Variants in PALS2 observed in about 807,000 individuals in gnomAD.
The protein encoded by PALS2 is protein PALS2.
A neutral mutation model predicts 61.6 loss-of-function variants in PALS2; 27 were observed. The observed-to-expected ratio is 0.44, with a 90% CI of 0.32 to 0.60. The LOEUF (loss-of-function observed/expected upper bound fraction) is 0.60, where lower values mean the gene tolerates loss of function less well. Ranked by LOEUF, PALS2 falls within the 20% of genes least tolerant of loss-of-function variation. The pLI is 0.05. For synonymous variants in PALS2, 236 were observed against 218.6 expected (o/e 1.08, Z -0.70); for missense variants, 554 against 639.4 (o/e 0.87, Z 1.44).
intron 7 of PALS2, among the ~76,000 whole-genome samples, 157 bp from the exon 8 acceptor site, chr7:24,665,864 G>A (rs1207687472): frequency 6.6e-6 from 1 of 152,126 alleles, no homozygotes; most frequent in Non-Finnish European, 1.5e-5. Flanking sequence ...TGCTGGTAGA[G>A]TATCAAAATT....
rs980584079 is a variant in PALS2 at position 24,623,968 on chromosome 7, T to C, written c.117+184T>C. On this transcript the variant is annotated intron_variant, in intron 2 of 11. Transcript: ENST00000222644. The stretch of plus-strand genomic sequence containing the variant: ...ATTAGACCATTTTTCTCTTTTCTAC[T>C]CTGACTTTAAATACAGGATGAAATG... The C allele has an allele frequency of 3.5e-5, 37 of 1,067,310 alleles. No individual in the cohort carries two copies. The East Asian group carries it at 1.1e-3, about 31-fold the overall frequency. The allele number at this position is 1,067,310 out of a possible 1,614,324, so 66.1% of individuals were successfully genotyped here.
intron 1 of PALS2, among the ~76,000 whole-genome samples, chr7:24,610,519 C>G (rs1456429869): frequency 6.6e-6 from 1 of 152,056 alleles, no homozygotes; most frequent in Non-Finnish European, 1.5e-5. Context: ...TTCTTTGATT[C>G]AATGAAATAT....
intron 2 of PALS2, 47 bp from the exon 3 acceptor site, chr7:24,641,669 A>C: frequency 6.9e-7 from 1 of 1,451,946 alleles, no homozygotes; most frequent in Non-Finnish European, 9.3e-7. Context: ...GGTCTGGTGC[A>C]AATAACAAAT....
At chr7:24,642,897 G>A (rs940354110) in intron 3 of PALS2, among the ~76,000 whole-genome samples, 5 of 152,164 alleles carry the variant, frequency 3.3e-5, no homozygotes, top group African/African-American at 1.2e-4. Flanking sequence ...GGTGTGGAGG[G>A]GGAGATGAAT....
intron 1 of PALS2, among the ~76,000 whole-genome samples, chr7:24,587,904 G>A (rs995813062): frequency 1.3e-5 from 2 of 152,150 alleles, no homozygotes; most frequent in Non-Finnish European, 2.9e-5. Flanking sequence ...AAATAGCACC[G>A]AGCTAATACA....
At chr7:24,628,676 C>G (rs896424404) in intron 2 of PALS2, among the ~76,000 whole-genome samples, 5 of 152,146 alleles carry the variant, frequency 3.3e-5, no homozygotes, top group African/African-American at 1.2e-4. Flanking sequence ...GCGCAAAAAT[C>G]CCAAGCATTC....
rs182624172 is a variant in PALS2, at chr7:24,656,941, T to C, written c.651+6229T>C. Among the ~76,000 whole-genome samples, 61 of 152,354 alleles carry C rather than the reference T, an allele frequency of 4.0e-4. 1 individual carries two copies. The highest frequency in any genetic ancestry group is 3.4e-3 in the Middle Eastern group (1 of 294). ...TGCTTTTTGTCACTTTAAATTATTT[T>C]GCATTTTCCTTATTTTTATATAAAT... is the stretch of plus-strand genomic sequence containing the variant. On this transcript the variant is annotated intron_variant, in intron 5 of 11. Coordinates refer to ENST00000222644, the MANE Select transcript of PALS2 (RefSeq NM_001303037.2).
intron 3 of PALS2, 35 bp from the exon 4 acceptor site, chr7:24,649,577 C>A: frequency 6.7e-7 from 1 of 1,488,808 alleles, no homozygotes; most frequent in Non-Finnish European, 8.9e-7. Context: ...ATCCACATAT[C>A]ATAAATAACC....
At chr7:24,640,850 T>G (rs945230337) in intron 2 of PALS2, among the ~76,000 whole-genome samples, 14 of 151,394 alleles carry the variant, frequency 9.2e-5, no homozygotes, top group Non-Finnish European at 1.6e-4. Flanking sequence ...CTACTAAAAA[T>G]ACAAAAAATT....
At chr7:24,650,459 A>C (rs1786079684) in intron 4 of PALS2, 26 bp from the exon 5 acceptor site, 2 of 1,509,438 alleles carry the variant, frequency 1.3e-6, no homozygotes, top group Non-Finnish European at 1.8e-6. Flanking sequence ...ATAATTAATG[A>C]GAAATCTGTT....
At position 24,620,540 on chromosome 7, in the gene PALS2, A is replaced by G. The variant is rs115379549; in HGVS notation, c.-2-3126A>G. Among the ~76,000 whole-genome samples, 794 of 152,252 alleles carry G rather than the reference A, an allele frequency of 5.2e-3. 7 individuals are homozygous for G. Among genetic ancestry groups the G allele is most frequent in the African/African-American group, 0.017 (725 of 41,564 alleles). ...AGATCTTTAAAATAACCAAAGATCT[A>G]TTTCACAATTTCTTTCACTTTTCTA... On this transcript the variant is annotated intron_variant, in intron 1 of 11. Transcript: ENST00000222644.
chr7:24,640,436 T>A (rs1437935105), intron 2 of PALS2, among the ~76,000 whole-genome samples: 2 of 152,206 alleles, frequency 1.3e-5, no homozygotes, highest in Admixed American at 6.5e-5. Context: ...TAAAGTATGA[T>A]AGTTTAGGTA....
At chr7:24,676,840 G>A (rs185635940) in intron 9 of PALS2, among the ~76,000 whole-genome samples, 1,562 of 151,222 alleles carry the variant, frequency 0.01, 26 homozygotes, top group South Asian at 0.034. Flanking sequence ...TTTGGCTTAG[G>A]ATTGACTTGG....
At chr7:24,582,883 CTTTTTTTTT>C (rs757869072) in intron 1 of PALS2, among the ~76,000 whole-genome samples, 4 of 57,478 alleles carry the variant, frequency 7.0e-5, no homozygotes, top group East Asian at 6.1e-4. Flanking sequence ...GATAGTCATG[CTTTTTTTTT>C]TTTTTTTTTT....
Position 24,693,735 on chromosome 7 carries a change from C to G in PALS2, c.*6121C>G, listed in dbSNP as rs1020967233. ...ACTGGCTCCTGTCTCTTCAGTAACA[C>G]TGATTTTTTTTTAAAGAAGTGATAT... On this transcript the variant is annotated 3_prime_UTR_variant, in exon 12 of 12. Coordinates refer to ENST00000222644, the MANE Select transcript of PALS2 (RefSeq NM_001303037.2). The G allele has an allele frequency of 1.3e-5, 2 of 152,048 alleles. No homozygotes were observed. Among genetic ancestry groups the G allele is most frequent in the African/African-American group, 4.8e-5 (2 of 41,394 alleles). 9.4% of individuals were successfully genotyped at this position (152,048 alleles called of 1,614,324 possible). A position where few individuals can be genotyped will look rare whatever the true frequency, so the allele number is the denominator to read the frequency against.
chr7:24,660,998 A>C (rs1040788424), intron 5 of PALS2, among the ~76,000 whole-genome samples: 1 of 152,122 alleles, frequency 6.6e-6, no homozygotes, highest in African/African-American at 2.4e-5. Context: ...AGCCATTTGT[A>C]CTTCCTTTTC....
chr7:24,588,281 C>G (rs141771326), intron 1 of PALS2, among the ~76,000 whole-genome samples: 520 of 152,262 alleles, frequency 3.4e-3, no homozygotes, highest in African/African-American at 0.012. Context: ...TAGATTCTTA[C>G]TCTTTGTTTC....
chr7:24,639,100 T>C (rs1785384725), intron 2 of PALS2, among the ~76,000 whole-genome samples: 1 of 152,242 alleles, frequency 6.6e-6, no homozygotes, highest in Admixed American at 6.5e-5. Context: ...ACATCTAGAC[T>C]GGAAGAGCCA....
At chr7:24,628,402 A>G (rs536112071) in intron 2 of PALS2, among the ~76,000 whole-genome samples, 56 of 152,334 alleles carry the variant, frequency 3.7e-4, no homozygotes, top group African/African-American at 1.2e-3. Context: ...CCAACAGCCA[A>G]TATCATACTG....
Sources: gnomAD v4.1 joint callset for allele counts (sites outside exome capture counted in the v4.1 genomes callset) on GRCh38, gnomAD v4.1.1 for gene constraint, MANE v1.5 for transcripts, NCBI Gene and HGNC (gene_info 2026-07-23, HGNC 2026-07-21) for gene names.